FBXO16: variants seen among roughly 807,000 people sequenced by gnomAD.
FBXO16 encodes the protein F-box protein 16, also known as F-box only protein 16.
In FBXO16, 31 loss-of-function variants were observed where a neutral mutation model predicts 41.0. The ratio of observed to expected loss-of-function variants is 0.76; its 90% CI spans 0.57 to 1.02. The LOEUF (loss-of-function observed/expected upper bound fraction) is 1.02. Among genes scored for constraint, FBXO16 ranks in the 50% least tolerant of loss-of-function variants. The pLI is 0.00. For synonymous variants in FBXO16, 133 were observed against 117.8 expected (o/e 1.13, Z -0.84); for missense variants, 361 against 346.2 (o/e 1.04, Z -0.34).
chr8:28,480,042 A>C (rs889556109), intron 2 of FBXO16, among the ~76,000 whole-genome samples: 3 of 151,158 alleles, frequency 2.0e-5, no homozygotes, highest in Middle Eastern at 3.4e-3. Flanking sequence ...GGCCCCCAAA[A>C]GTTTTTCAAT....
chr8:28,489,771 T>C (rs1803661760), intron 1 of FBXO16, among the ~76,000 whole-genome samples: 1 of 151,622 alleles, frequency 6.6e-6, no homozygotes, highest in East Asian at 1.9e-4. Context: ...ACTCATAACA[T>C]GATACTGGGC....
At chr8:28,478,549 G>A (rs1347033689) in intron 2 of FBXO16, among the ~76,000 whole-genome samples, 1 of 152,136 alleles carries the variant, frequency 6.6e-6, no homozygotes, top group Non-Finnish European at 1.5e-5. Flanking sequence ...CCCCGGCTGG[G>A]CACAGTGACT....
intron 7 of FBXO16, among the ~76,000 whole-genome samples, chr8:28,445,652 C>G (rs1488042265): frequency 6.6e-6 from 1 of 152,122 alleles, no homozygotes; most frequent in East Asian, 1.9e-4. Flanking sequence ...CCTTGGGCAT[C>G]AGGACACATG....
Position 28,454,637 on chromosome 8 carries a change from A to C in FBXO16, c.507+2129T>G, listed in dbSNP as rs186921830. Among the ~76,000 whole-genome samples, 1,446 of 148,538 alleles carry C rather than the reference A, an allele frequency of 9.7e-3. 55 individuals are homozygous for C. The highest frequency in any genetic ancestry group is 0.034 in the African/African-American group (1,354 of 40,070). Reference sequence around the variant, plus strand: ...CAGCTACTCAGGAGGCTGAGGAAGGAGAATGGCGTGAGCCCGGGAGGCGGA... The same window carrying C: ...CAGCTACTCAGGAGGCTGAGGAAGGCGAATGGCGTGAGCCCGGGAGGCGGA... On this transcript the variant is annotated intron_variant, in intron 5 of 8. Coordinates refer to ENST00000380254, the MANE Select transcript of FBXO16 (RefSeq NM_172366.4).
intron 7 of FBXO16, among the ~76,000 whole-genome samples, chr8:28,441,168 C>T (rs1218388636): frequency 6.6e-6 from 1 of 152,120 alleles, no homozygotes; most frequent in Non-Finnish European, 1.5e-5. Flanking sequence ...TCCCGCCTCT[C>T]TCCCCTACCT....
intron 3 of FBXO16, among the ~76,000 whole-genome samples, chr8:28,470,536 G>T (rs1391300773): frequency 6.6e-6 from 1 of 152,170 alleles, no homozygotes; most frequent in East Asian, 1.9e-4. Context: ...TCTTTAAAAG[G>T]TCTTTACCAA....
intron 2 of FBXO16, among the ~76,000 whole-genome samples, chr8:28,474,353 A>T (rs1353854115): frequency 2.3e-4 from 31 of 135,636 alleles, no homozygotes; most frequent in African/African-American, 7.9e-4. Flanking sequence ...AAAAAAAAAA[A>T]GAGAGAGAAA....
intron 7 of FBXO16, among the ~76,000 whole-genome samples, chr8:28,432,922 G>A (rs1032451426): frequency 7.2e-5 from 11 of 151,954 alleles, no homozygotes; most frequent in African/African-American, 1.7e-4. Context: ...TTAGCGGGGC[G>A]TGGTGGTGCA....
At chr8:28,483,617 G>A (rs1585923479) in intron 1 of FBXO16, 155 bp from the exon 2 acceptor site, 3 of 559,610 alleles carry the variant, frequency 5.4e-6, no homozygotes, top group Middle Eastern at 4.7e-4. Context: ...TCAAGGATTC[G>A]AGACCAGCCT....
chr8:28,432,860 C>T (rs1802628429), intron 7 of FBXO16, among the ~76,000 whole-genome samples: 1 of 152,068 alleles, frequency 6.6e-6, no homozygotes, highest in Non-Finnish European at 1.5e-5. Context: ...CATTCGAGAC[C>T]AGCCTAGCAA....
intron 5 of FBXO16, among the ~76,000 whole-genome samples, chr8:28,454,427 T>C (rs1015339957): frequency 1.1e-4 from 16 of 151,518 alleles, no homozygotes; most frequent in African/African-American, 3.7e-4. Context: ...AGTAGTTATA[T>C]GTAAAAAATC....
intron 2 of FBXO16, among the ~76,000 whole-genome samples, chr8:28,478,590 A>G (rs1034240848): frequency 6.6e-6 from 1 of 152,160 alleles, no homozygotes; most frequent in African/African-American, 2.4e-5. Flanking sequence ...TTGGGAGGCC[A>G]AGGCCAGTGG....
intron 2 of FBXO16, among the ~76,000 whole-genome samples, chr8:28,476,350 C>T (rs1803422874): frequency 6.6e-6 from 1 of 152,142 alleles, no homozygotes; most frequent in African/African-American, 2.4e-5. Context: ...AGAGGAAAGA[C>T]ACTAGACTGA....
At chr8:28,461,109 A>ACG (rs917219847) in intron 4 of FBXO16, among the ~76,000 whole-genome samples, 1 of 145,700 alleles carries the variant, frequency 6.9e-6, no homozygotes, top group Non-Finnish European at 1.5e-5. Flanking sequence ...TTTACCAATG[A>ACG]CGCGTCGTGG....
intron 5 of FBXO16, chr8:28,455,640 T>G (rs970969738): frequency 6.6e-6 from 1 of 152,224 alleles, no homozygotes; most frequent in Admixed American, 6.5e-5. Flanking sequence ...CTTCAGCTAT[T>G]GCTCCCTAAC....
intron 7 of FBXO16, among the ~76,000 whole-genome samples, chr8:28,432,217 T>C (rs1802617521): frequency 6.6e-6 from 1 of 151,508 alleles, no homozygotes. Context: ...CTCACGCCTG[T>C]AATCCCAGCA....
rs987853235 is a variant in FBXO16 at position 28,462,469 on chromosome 8, G to A, written c.342+1143C>T. Among the ~76,000 whole-genome samples, 20 of 151,698 alleles carry A rather than the reference G, an allele frequency of 1.3e-4. 1 individual carries two copies. The South Asian group carries it at 2.1e-3, about 16-fold the overall frequency. On this transcript the variant is annotated intron_variant, in intron 4 of 8. Coordinates refer to ENST00000380254, the MANE Select transcript of FBXO16 (RefSeq NM_172366.4). ...AATTTTTCGTATTTTTAGTAGAGAC[G>A]GGGTTTCACTGTGTTAGCCAGGATG...
intron 5 of FBXO16, chr8:28,455,967 G>A (rs566270788): frequency 1.7e-4 from 26 of 152,022 alleles, no homozygotes; most frequent in African/African-American, 6.0e-4. Flanking sequence ...ATTCATTGCT[G>A]TTTTTTTCAC....
At chr8:28,481,800 C>T (rs1803517427) in intron 2 of FBXO16, among the ~76,000 whole-genome samples, 1 of 129,680 alleles carries the variant, frequency 7.7e-6, no homozygotes, top group Non-Finnish European at 1.5e-5. Context: ...CACAGTGAGA[C>T]TCTGTTTCAG....
Sources: allele counts gnomAD v4.1 joint callset (sites outside exome capture counted in the v4.1 genomes callset), GRCh38; gene constraint gnomAD v4.1.1; transcripts MANE v1.5; gene names NCBI Gene and HGNC (gene_info 2026-07-23, HGNC 2026-07-21).